NMNAT2: variants seen among roughly 807,000 people sequenced by gnomAD.
The protein encoded by NMNAT2 is nicotinamide/nicotinic acid mononucleotide adenylyltransferase 2.
In NMNAT2, 11 loss-of-function variants were observed where a neutral mutation model predicts 41.6. The ratio of observed to expected loss-of-function variants is 0.26; its 90% CI spans 0.17 to 0.44. The LOEUF (loss-of-function observed/expected upper bound fraction) is 0.44, where lower values mean the gene tolerates loss of function less well. Among genes scored for constraint, NMNAT2 ranks in the 20% least tolerant of loss-of-function variants. The pLI is 1.00. For missense variants in NMNAT2, 288 were observed against 407.7 expected, an observed-to-expected ratio of 0.71 and a Z score of 2.53; for synonymous variants, 148 against 151.2, an observed-to-expected ratio of 0.98 and a Z score of 0.16.
chr1:183,335,199 C>T (rs1662658472), intron 1 of NMNAT2, among the ~76,000 whole-genome samples: 1 of 152,178 alleles, frequency 6.6e-6, no homozygotes. Flanking sequence ...CCCCAAACAA[C>T]TAGTTTCCTT....
At chr1:183,404,978 C>T (rs932217965) in intron 1 of NMNAT2, among the ~76,000 whole-genome samples, 2 of 152,012 alleles carry the variant, frequency 1.3e-5, no homozygotes, top group South Asian at 2.1e-4. Flanking sequence ...CCCAGCACTT[C>T]GGGAGGACGA....
intron 1 of NMNAT2, among the ~76,000 whole-genome samples, chr1:183,339,834 G>A (rs922374955): frequency 2.0e-5 from 3 of 152,052 alleles, no homozygotes; most frequent in African/African-American, 7.2e-5. Context: ...CCCAATGAGA[G>A]GTCCTGAAGG....
chr1:183,404,741 C>T (rs1307115187), intron 1 of NMNAT2, among the ~76,000 whole-genome samples: 2 of 152,170 alleles, frequency 1.3e-5, no homozygotes, highest in Admixed American at 6.5e-5. Flanking sequence ...TGCTGAATTG[C>T]CACCCCCGCT....
chr1:183,393,301 AG>A (rs1331839289), intron 1 of NMNAT2, among the ~76,000 whole-genome samples: 1 of 152,170 alleles, frequency 6.6e-6, no homozygotes, highest in Non-Finnish European at 1.5e-5. Context: ...CAACCCTGTG[AG>A]TTAAATAGGG....
At chr1:183,305,092 T>A (rs1199036042) in intron 1 of NMNAT2, among the ~76,000 whole-genome samples, 1 of 151,122 alleles carries the variant, frequency 6.6e-6, no homozygotes, top group African/African-American at 2.4e-5. Flanking sequence ...AATTCGCCCA[T>A]TGTTGAAAAA....
intron 1 of NMNAT2, among the ~76,000 whole-genome samples, chr1:183,332,617 T>C (rs1274244034): frequency 6.6e-6 from 1 of 152,142 alleles, no homozygotes; most frequent in African/African-American, 2.4e-5. Context: ...CAGCCAACCC[T>C]GCACATGGGG....
intron 1 of NMNAT2, among the ~76,000 whole-genome samples, chr1:183,413,184 G>A (rs1465489415): frequency 1.3e-5 from 2 of 152,212 alleles, no homozygotes; most frequent in South Asian, 2.1e-4. Context: ...AGTAGTGGTC[G>A]TAATATTTGC....
intron 1 of NMNAT2, among the ~76,000 whole-genome samples, chr1:183,300,202 G>A (rs1178521765): frequency 6.6e-6 from 1 of 152,086 alleles, no homozygotes; most frequent in Non-Finnish European, 1.5e-5. Flanking sequence ...AGGAGTTCGA[G>A]ACCAGCCCGG....
intron 1 of NMNAT2, among the ~76,000 whole-genome samples, chr1:183,340,278 G>A (rs1483219309): frequency 6.6e-6 from 1 of 151,736 alleles, no homozygotes; most frequent in Non-Finnish European, 1.5e-5. Flanking sequence ...GTGGCAAAGT[G>A]GCTGATAGCC....
chr1:183,357,701 C>T (rs4418546), intron 1 of NMNAT2, among the ~76,000 whole-genome samples: 1,973 of 152,170 alleles, frequency 0.013, 47 homozygotes, highest in African/African-American at 0.045. Context: ...CCATTCTGAC[C>T]GGTGTAAGAT....
intron 8 of NMNAT2, among the ~76,000 whole-genome samples, chr1:183,277,235 C>A (rs1376237981): frequency 6.6e-6 from 1 of 152,128 alleles, no homozygotes; most frequent in South Asian, 2.1e-4. Flanking sequence ...GTAATCCCAG[C>A]ACTTTGGGAG....
At chr1:183,394,440 T>C (rs1648573080) in intron 1 of NMNAT2, among the ~76,000 whole-genome samples, 1 of 152,186 alleles carries the variant, frequency 6.6e-6, no homozygotes, top group South Asian at 2.1e-4. Context: ...ATCGAAAGTA[T>C]CCAATAAGCA....
chr1:183,269,154 C>T (rs1660915827), intron 8 of NMNAT2, among the ~76,000 whole-genome samples: 2 of 152,124 alleles, frequency 1.3e-5, no homozygotes, highest in Non-Finnish European at 2.9e-5. Context: ...TATGTTGAAA[C>T]CTACGTGATA....
At chr1:183,407,092 T>C (rs954519773) in intron 1 of NMNAT2, among the ~76,000 whole-genome samples, 1 of 152,170 alleles carries the variant, frequency 6.6e-6, no homozygotes, top group African/African-American at 2.4e-5. Flanking sequence ...GCTGGGATCA[T>C]AGGCGTGAGC....
rs1371591957 is a variant in NMNAT2 at position 183,286,664 on chromosome 1, G to T, written c.446C>A (p.Ala149Glu). 6.2e-7 allele frequency: 1 copy of T among 1,607,496 alleles called. No homozygotes were observed. Among genetic ancestry groups the T allele is most frequent in the Non-Finnish European group, 8.5e-7 (1 of 1,176,856 alleles). The part of the protein sequence containing the change: ...QNSNVATKPT[A>E]AKILGKVGES... ...ATCACACATCAGTGTTCCCCTACCT[G>T]CAGTGGGCTTGGTGGCCACGTTGCT... The change falls in exon 5 of 11, where the codon GCA becomes GAA. Residue 149 changes from alanine (A) to glutamate (E), a missense_variant and splice_region_variant. Around this residue, in one of 3 missense-constraint regions of NMNAT2, gnomAD observed 181 missense variants for 213.7 expected, o/e 0.85. Transcript: ENST00000287713.
At chr1:183,384,489 T>C (rs1473315160) in intron 1 of NMNAT2, among the ~76,000 whole-genome samples, 4 of 152,186 alleles carry the variant, frequency 2.6e-5, no homozygotes, top group African/African-American at 9.6e-5. Flanking sequence ...CATGAGCCAC[T>C]GAGCCCAGCT....
chr1:183,396,006 A>G (rs923812995), intron 1 of NMNAT2, among the ~76,000 whole-genome samples: 2 of 151,946 alleles, frequency 1.3e-5, no homozygotes, highest in Non-Finnish European at 2.9e-5. Context: ...TGCTCCTCTC[A>G]CTGTCCTCTG....
At chr1:183,302,218 A>G (rs963316777) in intron 1 of NMNAT2, among the ~76,000 whole-genome samples, 3 of 152,228 alleles carry the variant, frequency 2.0e-5, no homozygotes, top group African/African-American at 4.8e-5. Flanking sequence ...TATAAGGGAC[A>G]TAGAGAAGTA....
chr1:183,282,006 C>T (rs910986193), intron 7 of NMNAT2, among the ~76,000 whole-genome samples: 7 of 152,218 alleles, frequency 4.6e-5, no homozygotes, highest in Non-Finnish European at 8.8e-5. Context: ...CCCAGGAATC[C>T]GGGCTATGTG....
Sources: allele counts gnomAD v4.1 joint callset (sites outside exome capture counted in the v4.1 genomes callset), GRCh38; gene constraint gnomAD v4.1.1; regional missense constraint gnomAD v4.1.1; transcripts MANE v1.5; gene names NCBI Gene and HGNC (gene_info 2026-07-23, HGNC 2026-07-21).